The following LYSMD2 variants were observed in gnomAD, a reference collection of about 807,000 sequenced individuals.
LYSMD2 encodes LysM domain containing 2, also known as lysM and putative peptidoglycan-binding domain-containing protein 2.
Under a neutral mutation model 17.7 loss-of-function variants are expected in LYSMD2, and 6 were observed. The observed-to-expected ratio is 0.34, with a 90% CI of 0.19 to 0.67. The LOEUF (loss-of-function observed/expected upper bound fraction) is 0.67, where lower values mean the gene tolerates loss of function less well. Among genes scored for constraint, LYSMD2 ranks in the 30% least tolerant of loss-of-function variants. The pLI, the probability that LYSMD2 is intolerant of heterozygous loss-of-function variation, is 0.69. For synonymous variants in LYSMD2, 102 were observed against 129.8 expected (o/e 0.79, Z 1.45); for missense variants, 237 against 286.7 (o/e 0.83, Z 1.25).
intron 1 of LYSMD2, among the ~76,000 whole-genome samples, chr15:51,734,295 G>C (rs1400312421): frequency 6.6e-6 from 1 of 152,160 alleles, no homozygotes; most frequent in Non-Finnish European, 1.5e-5. Context: ...GTTTGCCCCA[G>C]AGTATTCCTG....
chr15:51,725,758 A>G (rs939784392), intron 1 of LYSMD2, among the ~76,000 whole-genome samples: 12 of 152,186 alleles, frequency 7.9e-5, no homozygotes, highest in African/African-American at 2.9e-4. Context: ...ATATATCTAT[A>G]TGGAAAGAGA....
chr15:51,748,941 A>T (rs2055683158), intron 1 of LYSMD2, among the ~76,000 whole-genome samples: 1 of 152,244 alleles, frequency 6.6e-6, no homozygotes, highest in African/African-American at 2.4e-5. Flanking sequence ...GAATAATTAA[A>T]ATACTTCATT....
Position 51,737,254 on chromosome 15 carries a change from ACCCGCAGTCCC to A in LYSMD2, c.273+85_273+95del. The A allele has an allele frequency of 1.4e-5, 1 of 73,182 alleles. No individual in the cohort carries two copies. Among genetic ancestry groups the A allele is most frequent in the Non-Finnish European group, 2.8e-5 (1 of 36,356 alleles). The allele number at this position is 73,182 out of a possible 1,614,324, so 4.5% of individuals were successfully genotyped here. On this transcript the variant is annotated intron_variant, in intron 1 of 2. Transcript: ENST00000267838. This position sits in a 1 kb window ranked among gnomAD's most constrained non-coding sequence, Gnocchi z 4.2. ...GCGACTCCCCATCCCCCAAACCCCC[ACCCGCAGTCCC>A]ACCCCCACCCCCACCGCACCCCGAG...
chr15:51,750,983 T>G (rs2055696824), intron 1 of LYSMD2, among the ~76,000 whole-genome samples: 1 of 152,182 alleles, frequency 6.6e-6, no homozygotes. Flanking sequence ...ATGCACTAAG[T>G]GCCAGATCCT....
intron 2 of LYSMD2, among the ~76,000 whole-genome samples, chr15:51,724,098 A>T (rs1290097740): frequency 6.6e-6 from 1 of 152,070 alleles, no homozygotes; most frequent in Non-Finnish European, 1.5e-5. Context: ...ATATTATAGG[A>T]GTTGAACACA....
intron 1 of LYSMD2, among the ~76,000 whole-genome samples, chr15:51,750,037 A>T (rs2055689630): frequency 6.6e-6 from 1 of 152,216 alleles, no homozygotes; most frequent in African/African-American, 2.4e-5. Flanking sequence ...GATTAACTTT[A>T]CTTTCTGGTT....
At chr15:51,741,354 T>A (rs908409073), upstream of LYSMD2, among the ~76,000 whole-genome samples, 2 of 152,224 alleles carry the variant, frequency 1.3e-5, no homozygotes, top group African/African-American at 4.8e-5. Context: ...CACATCAAAA[T>A]CAATTATAGA....
chr15:51,734,115 G>A (rs951388160), intron 1 of LYSMD2, among the ~76,000 whole-genome samples: 2 of 152,064 alleles, frequency 1.3e-5, no homozygotes, highest in South Asian at 2.1e-4. Flanking sequence ...CCCGGGAGGC[G>A]GAGGTTGCAG....
At chr15:51,724,482 A>G (rs1482548222) in intron 2 of LYSMD2, among the ~76,000 whole-genome samples, 1 of 152,172 alleles carries the variant, frequency 6.6e-6, no homozygotes, top group Non-Finnish European at 1.5e-5. Flanking sequence ...TTTTATAGTA[A>G]ATAACAGATA....
intron 1 of LYSMD2, among the ~76,000 whole-genome samples, chr15:51,750,044 G>C (rs969376831): frequency 8.5e-5 from 13 of 152,192 alleles, no homozygotes; most frequent in Non-Finnish European, 1.8e-4. Flanking sequence ...TTTACTTTCT[G>C]GTTCAACCCA....
chr15:51,731,497 G>A (rs867049450), intron 1 of LYSMD2, among the ~76,000 whole-genome samples: 2 of 152,082 alleles, frequency 1.3e-5, no homozygotes, highest in African/African-American at 4.8e-5. Flanking sequence ...GGTAACTTTC[G>A]TTAGCGGAAA....
At chr15:51,724,244 T>C (rs2055521468) in intron 2 of LYSMD2, among the ~76,000 whole-genome samples, 2 of 151,996 alleles carry the variant, frequency 1.3e-5, no homozygotes, top group South Asian at 4.1e-4. Flanking sequence ...TGCCCTAATA[T>C]CAAATTTAAA....
At chr15:51,747,770 T>TTAA (rs2055675330) in intron 1 of LYSMD2, among the ~76,000 whole-genome samples, 1 of 152,224 alleles carries the variant, frequency 6.6e-6, no homozygotes, top group South Asian at 2.1e-4. Flanking sequence ...GTGGTATCAT[T>TTAA]TAACATGATC....
chr15:51,740,119 G>A (rs560350796), upstream of LYSMD2, among the ~76,000 whole-genome samples: 123 of 152,084 alleles, frequency 8.1e-4, 2 homozygotes, highest in African/African-American at 2.7e-3. Context: ...CACTATGCCC[G>A]CCTAATTTTT....
chr15:51,726,177 T>C (rs1471728871), intron 1 of LYSMD2, among the ~76,000 whole-genome samples: 1 of 152,214 alleles, frequency 6.6e-6, no homozygotes, highest in Non-Finnish European at 1.5e-5. Context: ...TTAAAAAGGA[T>C]GGTCTTTTGT....
chr15:51,734,606 T>C (rs1448339077), intron 1 of LYSMD2, among the ~76,000 whole-genome samples: 2 of 152,226 alleles, frequency 1.3e-5, no homozygotes, highest in East Asian at 1.9e-4. Context: ...TGAGAGTTTC[T>C]GCTCATCTGT....
chr15:51,744,191 G>A (rs954360089), intron 1 of LYSMD2, among the ~76,000 whole-genome samples: 8 of 152,088 alleles, frequency 5.3e-5, no homozygotes, highest in Admixed American at 6.6e-5. Flanking sequence ...AATAGAGGGT[G>A]GCAGGGGATA....
chr15:51,751,320 A>C, exon 1 of LYSMD2: 1 of 702,594 alleles, frequency 1.4e-6, no homozygotes, highest in Non-Finnish European at 2.6e-6. Context: ...CGCTCACAGG[A>C]ATGCTCATCA....
chr15:51,730,105 A>G (rs1479096872), intron 1 of LYSMD2, among the ~76,000 whole-genome samples: 1 of 152,230 alleles, frequency 6.6e-6, no homozygotes, highest in Admixed American at 6.5e-5. Flanking sequence ...GGTCACTAAG[A>G]AACAGTTTAT....
Sources: gnomAD v4.1 joint callset for allele counts (sites outside exome capture counted in the v4.1 genomes callset) on GRCh38, gnomAD v4.1.1 for gene constraint, Gnocchi (gnomAD v3.1) non-coding constraint, MANE v1.5 for transcripts, NCBI Gene and HGNC (gene_info 2026-07-23, HGNC 2026-07-21) for gene names.